Variants in FOXN3 observed in about 807,000 individuals in gnomAD.
FOXN3 encodes forkhead box N3.
Under a neutral mutation model 38.4 loss-of-function variants are expected in FOXN3, and 7 were observed. That is an observed-to-expected ratio of 0.18 (90% CI 0.10 to 0.34). FOXN3 has a LOEUF of 0.34. FOXN3 is among the 10% of genes least tolerant of loss of function. The pLI is 1.00. For synonymous variants in FOXN3, 230 were observed against 242.2 expected (o/e 0.95, Z 0.47); for missense variants, 456 against 613.4 (o/e 0.74, Z 2.71).
chr14:89,602,924 T>A (rs1336795858), intron 1 of FOXN3, among the ~76,000 whole-genome samples: 4 of 152,168 alleles, frequency 2.6e-5, no homozygotes, highest in African/African-American at 9.7e-5. Context: ...GTGCTCTTTA[T>A]AAGTAAAATA....
At chr14:89,260,925 AC>A (rs1448909513) in intron 4 of FOXN3, among the ~76,000 whole-genome samples, 2 of 152,240 alleles carry the variant, frequency 1.3e-5, no homozygotes, top group Non-Finnish European at 2.9e-5. Flanking sequence ...TTCATTAAAA[AC>A]TATCCACACA....
At chr14:89,458,287 C>T (rs530634998) in intron 1 of FOXN3, among the ~76,000 whole-genome samples, 3 of 152,294 alleles carry the variant, frequency 2.0e-5, no homozygotes, top group South Asian at 4.1e-4. Context: ...TTGCCCGGGG[C>T]TCTCTGGGCC....
chr14:89,546,152 T>C (rs1894875625), intron 1 of FOXN3, among the ~76,000 whole-genome samples: 1 of 152,124 alleles, frequency 6.6e-6, no homozygotes, highest in Non-Finnish European at 1.5e-5. Context: ...GAAGAACCTA[T>C]GGTATGAATA....
intron 1 of FOXN3, among the ~76,000 whole-genome samples, chr14:89,531,971 G>A (rs1449911568): frequency 6.6e-6 from 1 of 152,144 alleles, no homozygotes; most frequent in Non-Finnish European, 1.5e-5. Flanking sequence ...ACCACACCTG[G>A]CCTTAAACTC....
chr14:89,213,719 G>A (rs1036395244), intron 4 of FOXN3, among the ~76,000 whole-genome samples: 4 of 152,196 alleles, frequency 2.6e-5, no homozygotes, highest in Admixed American at 2.0e-4. Context: ...ACTGAAGAGA[G>A]GTAATAAATA....
chr14:89,308,771 T>A (rs1887450242), intron 3 of FOXN3, among the ~76,000 whole-genome samples: 1 of 152,214 alleles, frequency 6.6e-6, no homozygotes, highest in African/African-American at 2.4e-5. Flanking sequence ...AAGGAGAAGC[T>A]GCTAGGAGGC....
intron 4 of FOXN3, among the ~76,000 whole-genome samples, chr14:89,219,988 T>A (rs888875121): frequency 6.6e-6 from 1 of 152,246 alleles, no homozygotes; most frequent in Non-Finnish European, 1.5e-5. Context: ...ACTATTTTTT[T>A]AAAATTATAA....
At chr14:89,312,688 C>T (rs571033334) in intron 3 of FOXN3, among the ~76,000 whole-genome samples, 1 of 152,176 alleles carries the variant, frequency 6.6e-6, no homozygotes, top group African/African-American at 2.4e-5. Context: ...TCCCACCACA[C>T]CTTGCTAGCT....
intron 1 of FOXN3, among the ~76,000 whole-genome samples, chr14:89,541,201 T>C (rs954274681): frequency 1.3e-5 from 2 of 152,200 alleles, no homozygotes; most frequent in African/African-American, 4.8e-5. Context: ...AAACACATCA[T>C]GTGGGTGGTG....
At chr14:89,272,895 TGAG>T (rs1886191946) in intron 4 of FOXN3, among the ~76,000 whole-genome samples, 1 of 152,162 alleles carries the variant, frequency 6.6e-6, no homozygotes, top group African/African-American at 2.4e-5. Flanking sequence ...AATCCTAATT[TGAG>T]GAGAAAGAGG....
chr14:89,340,869 C>A (rs746873214), intron 3 of FOXN3, among the ~76,000 whole-genome samples: 4 of 152,072 alleles, frequency 2.6e-5, no homozygotes, highest in Non-Finnish European at 5.9e-5. Context: ...TGACACAGAA[C>A]GAAGAGTAAC....
At chr14:89,232,418 A>G (rs760658951) in intron 4 of FOXN3, among the ~76,000 whole-genome samples, 1 of 152,244 alleles carries the variant, frequency 6.6e-6, no homozygotes, top group Non-Finnish European at 1.5e-5. Context: ...AACTGTTGCA[A>G]TCTTCTATCC....
intron 1 of FOXN3, among the ~76,000 whole-genome samples, chr14:89,441,844 C>T (rs534503271): frequency 6.6e-6 from 1 of 152,170 alleles, no homozygotes; most frequent in African/African-American, 2.4e-5. Context: ...ACCCAGCACA[C>T]TGGCAGCATT....
chr14:89,368,351 C>T (rs1274597808), intron 2 of FOXN3, among the ~76,000 whole-genome samples: 1 of 139,986 alleles, frequency 7.1e-6, no homozygotes, highest in African/African-American at 2.7e-5. Flanking sequence ...AAAAAGAACA[C>T]CGAATCCCTG....
intron 1 of FOXN3, among the ~76,000 whole-genome samples, chr14:89,466,595 T>C (rs906975209): frequency 1.3e-5 from 2 of 152,108 alleles, no homozygotes; most frequent in African/African-American, 2.4e-5. Flanking sequence ...CACAGCCTAG[T>C]GAAGCACACC....
At chr14:89,449,844 A>C (rs1892579576) in intron 1 of FOXN3, among the ~76,000 whole-genome samples, 1 of 152,166 alleles carries the variant, frequency 6.6e-6, no homozygotes, top group Admixed American at 6.5e-5. Context: ...GGGGGAGCTC[A>C]TGGGGAGAGC....
chr14:89,247,921 C>A (rs555629771), intron 4 of FOXN3, among the ~76,000 whole-genome samples: 1 of 152,324 alleles, frequency 6.6e-6, no homozygotes, highest in South Asian at 2.1e-4. Flanking sequence ...GTTCTTTCAA[C>A]AAGCCGTGTT....
intron 3 of FOXN3, among the ~76,000 whole-genome samples, chr14:89,306,136 C>T (rs945411676): frequency 2.0e-5 from 3 of 152,198 alleles, no homozygotes; most frequent in Non-Finnish European, 4.4e-5. Context: ...TTTCAAGAGT[C>T]ATTTAGAATT....
At chr14:89,363,955 T>TATATATATATATATATATATA (rs1889997349) in intron 2 of FOXN3, among the ~76,000 whole-genome samples, 1 of 5,438 alleles carries the variant, frequency 1.8e-4, no homozygotes, top group Non-Finnish European at 2.6e-3. Flanking sequence ...AAAATATATA[T>TATATATATATATATATATATA]ATATATATAT....
Sources: allele counts gnomAD v4.1 joint callset (sites outside exome capture counted in the v4.1 genomes callset), GRCh38; gene constraint gnomAD v4.1.1; transcripts MANE v1.5; gene names NCBI Gene and HGNC (gene_info 2026-07-23, HGNC 2026-07-21).